Variants in OR9Q1 observed in about 807,000 individuals in gnomAD.
OR9Q1 encodes olfactory receptor family 9 subfamily Q member 1, also known as olfactory receptor 9Q1.
For missense variants in OR9Q1, 374 were observed against 378.8 expected (o/e 0.99, Z 0.11); for synonymous variants, 153 against 148.6 (o/e 1.03, Z -0.22).
At chr11:58,028,823 C>T (rs568185287) in intron 1 of OR9Q1, among the ~76,000 whole-genome samples, 83 of 152,250 alleles carry the variant, frequency 5.5e-4, no homozygotes, top group African/African-American at 1.9e-3. Flanking sequence ...AAACTTTGGA[C>T]TTGTTTATTT....
intron 2 of OR9Q1, among the ~76,000 whole-genome samples, chr11:58,100,554 T>C (rs1045692557): frequency 6.6e-6 from 1 of 152,142 alleles, no homozygotes; most frequent in Admixed American, 6.6e-5. Context: ...CGCTTTATGG[T>C]GTTTTTCCCC....
intron 2 of OR9Q1, among the ~76,000 whole-genome samples, chr11:58,065,132 C>T (rs1590567220): frequency 2.6e-5 from 4 of 152,040 alleles, no homozygotes; most frequent in East Asian, 1.9e-4. Flanking sequence ...ATGGAGTGGA[C>T]GGGACACGTA....
In OR9Q1 at chr11:58,031,329, G is replaced by A. The variant is rs61739978; in HGVS notation, c.-93+7225G>A. On this transcript the variant is annotated intron_variant, in intron 1 of 2. Transcript: ENST00000335397. ...CTACTGGCTGCCATGGCCTATGATC[G>A]TTATGTGGCCATTTGTATGCCTCTC... is the stretch of plus-strand genomic sequence containing the variant. 3.9e-4 allele frequency: 627 copies of A among 1,614,088 alleles called. 7 individuals carry two copies. In the African/African-American group the frequency reaches 5.4e-3, roughly 14 times the overall value.
chr11:58,095,211 C>T (rs1229754210), intron 2 of OR9Q1, among the ~76,000 whole-genome samples: 1 of 152,210 alleles, frequency 6.6e-6, no homozygotes, highest in Non-Finnish European at 1.5e-5. Flanking sequence ...TTCATTTATA[C>T]CTAAAAGCCT....
chr11:58,100,914 A>G (rs1853777496), intron 2 of OR9Q1, among the ~76,000 whole-genome samples: 3 of 152,138 alleles, frequency 2.0e-5, no homozygotes, highest in Admixed American at 2.0e-4. Context: ...TAAGCCAGGC[A>G]CAGAAAGATA....
chr11:58,033,447 T>C (rs1488348569), intron 1 of OR9Q1, among the ~76,000 whole-genome samples: 3 of 152,262 alleles, frequency 2.0e-5, no homozygotes, highest in African/African-American at 7.2e-5. Flanking sequence ...AATTGTATTA[T>C]ATGCAGCAAC....
chr11:58,141,327 C>T (rs1854246655), intron 2 of OR9Q1, among the ~76,000 whole-genome samples: 4 of 152,218 alleles, frequency 2.6e-5, no homozygotes, highest in Admixed American at 2.6e-4. Context: ...CCAGTTTTTG[C>T]CCATTCAGTA....
intron 2 of OR9Q1, among the ~76,000 whole-genome samples, chr11:58,150,154 T>C (rs1854336667): frequency 6.6e-6 from 1 of 152,218 alleles, no homozygotes; most frequent in South Asian, 2.1e-4. Context: ...TAATAGCTAT[T>C]CTAATGGGTA....
chr11:58,055,342 T>G (rs766357096), intron 1 of OR9Q1, among the ~76,000 whole-genome samples: 1 of 152,136 alleles, frequency 6.6e-6, no homozygotes, highest in African/African-American at 2.4e-5. Context: ...AAAGCCTTCT[T>G]AAAGAAGCTG....
chr11:58,083,263 G>A (rs993499374), intron 2 of OR9Q1, among the ~76,000 whole-genome samples: 13 of 151,960 alleles, frequency 8.6e-5, no homozygotes, highest in Non-Finnish European at 5.9e-5. Context: ...TTATTAAATA[G>A]GGAATCCTTT....
At chr11:58,057,945 G>C (rs971066) in intron 2 of OR9Q1, 101,320 of 152,080 alleles carry the variant, frequency 0.67, 34,179 homozygotes, top group Middle Eastern at 0.79. Context: ...ACATAGGAGA[G>C]AACTGAAGCT....
At position 58,146,934 on chromosome 11, in the gene OR9Q1, A is replaced by G. The variant is rs147608017; in HGVS notation, c.-14-32497A>G. 8.4e-4 allele frequency among the ~76,000 whole-genome samples: 128 copies of G among 152,296 alleles called. 1 individual carries two copies. Among genetic ancestry groups the G allele is most frequent in the African/African-American group, 2.7e-3 (114 of 41,568 alleles). On this transcript the variant is annotated intron_variant, in intron 2 of 2. Coordinates refer to ENST00000335397, the MANE Select transcript of OR9Q1 (RefSeq NM_001005212.4). ...TGCAGATTTGCTTGGGGACTTGTGG[A>G]CTTTATTTCAAAAGTAGAGTGCGAA... is the stretch of plus-strand genomic sequence containing the variant.
chr11:58,165,731 T>A (rs1854494766), intron 2 of OR9Q1, among the ~76,000 whole-genome samples: 1 of 152,166 alleles, frequency 6.6e-6, no homozygotes, highest in Non-Finnish European at 1.5e-5. Context: ...TCGTTAGCAG[T>A]GCCAAGGAGG....
intron 2 of OR9Q1, among the ~76,000 whole-genome samples, chr11:58,146,067 T>G (rs1053527055): frequency 6.6e-6 from 1 of 152,200 alleles, no homozygotes; most frequent in Non-Finnish European, 1.5e-5. Flanking sequence ...AAAAGAAGGA[T>G]GTAATGATTT....
At chr11:58,108,996 GATA>G (rs1349545297) in intron 2 of OR9Q1, 4 of 418,890 alleles carry the variant, frequency 9.5e-6, no homozygotes, top group Non-Finnish European at 1.9e-5. Context: ...AAATGGCTCT[GATA>G]ATGAGCATGT....
At chr11:58,141,227 T>A (rs1854245749) in intron 2 of OR9Q1, among the ~76,000 whole-genome samples, 1 of 152,180 alleles carries the variant, frequency 6.6e-6, no homozygotes, top group Non-Finnish European at 1.5e-5. Context: ...TCCTGCCTAA[T>A]TGCCCTGGCC....
intron 2 of OR9Q1, among the ~76,000 whole-genome samples, chr11:58,154,104 A>AC (rs1565092022): frequency 5.5e-4 from 83 of 150,614 alleles, no homozygotes; most frequent in Non-Finnish European, 7.4e-4. Context: ...GAAGGGGAGG[A>AC]GGAAGGAGGA....
At chr11:58,079,718 T>C (rs1167332916) in intron 2 of OR9Q1, among the ~76,000 whole-genome samples, 1 of 152,160 alleles carries the variant, frequency 6.6e-6, no homozygotes, top group East Asian at 1.9e-4. Flanking sequence ...CAGGAAACCA[T>C]GAGAAAAGGC....
intron 2 of OR9Q1, among the ~76,000 whole-genome samples, chr11:58,157,831 C>T (rs553147236): frequency 2.6e-5 from 4 of 152,274 alleles, no homozygotes; most frequent in African/African-American, 7.2e-5. Context: ...GAGAAGCAGA[C>T]GTGAGCAGGG....
Sources: allele counts gnomAD v4.1 joint callset (sites outside exome capture counted in the v4.1 genomes callset), GRCh38; gene constraint gnomAD v4.1.1; transcripts MANE v1.5; gene names NCBI Gene and HGNC (gene_info 2026-07-23, HGNC 2026-07-21).